SH3BP2: variants seen among roughly 807,000 people sequenced by gnomAD.
The protein encoded by SH3BP2 is SH3 domain binding protein 2.
Under a neutral mutation model 56.2 loss-of-function variants are expected in SH3BP2, and 38 were observed. That is an observed-to-expected ratio of 0.68 (90% CI 0.52 to 0.89). The LOEUF is 0.89. Ranked by LOEUF, SH3BP2 falls within the 40% of genes least tolerant of loss-of-function variation. SH3BP2 has a pLI of 0.00. For missense variants in SH3BP2, 748 were observed against 762.6 expected (o/e 0.98, Z 0.23); for synonymous variants, 346 against 316.7 (o/e 1.09, Z -0.98).
rs904839506 is a variant in SH3BP2 at position 2,829,167 on chromosome 4, G to C, written c.587-326G>C. Among the ~76,000 whole-genome samples, 13 of 152,146 alleles carry C rather than the reference G, an allele frequency of 8.5e-5. No individual in the cohort carries two copies. The highest frequency in any genetic ancestry group is 8.8e-5 in the Non-Finnish European group (6 of 68,022). ...CCGTCCTCCCTCTCGCTCCAGCCGA[G>C]CCCTGAGATCCTTCTTGACTTCTCT... On this transcript the variant is annotated intron_variant, in intron 7 of 12. Transcript: ENST00000503393. This position sits in a 1 kb window ranked among gnomAD's most constrained non-coding sequence, Gnocchi z 4.9.
chr4:2,827,076 T>G (rs1724702378), intron 5 of SH3BP2, 154 bp from the exon 6 acceptor site: 1 of 710,038 alleles, frequency 1.4e-6, no homozygotes, highest in Non-Finnish European at 2.6e-6. Context: ...TCTGTCAGCT[T>G]AACCATGTGT....
chr4:2,804,011 G>A (rs963285618), intron 1 of SH3BP2, among the ~76,000 whole-genome samples: 2 of 152,140 alleles, frequency 1.3e-5, no homozygotes, highest in African/African-American at 2.4e-5. Flanking sequence ...ACTTCAGGCC[G>A]AGTGGAGTGA....
At chr4:2,819,205 A>C (rs1253736341) in intron 1 of SH3BP2, 1 of 152,302 alleles carries the variant, frequency 6.6e-6, no homozygotes, top group African/African-American at 2.4e-5. Context: ...TACAGGCGTG[A>C]GCCACTGCGT....
At chr4:2,824,139 C>T (rs1360643873) in intron 3 of SH3BP2, among the ~76,000 whole-genome samples, 5 of 152,198 alleles carry the variant, frequency 3.3e-5, no homozygotes, top group South Asian at 2.1e-4. Context: ...GGGCTCCCCA[C>T]GTGATAAACT....
At chr4:2,804,182 CCTT>C (rs1056880967) in intron 1 of SH3BP2, among the ~76,000 whole-genome samples, 3 of 152,168 alleles carry the variant, frequency 2.0e-5, no homozygotes, top group African/African-American at 7.2e-5. Context: ...CTGGGGGTCT[CCTT>C]CTGTCCCGGC....
At chr4:2,814,638 C>T (rs1314073955) in intron 1 of SH3BP2, among the ~76,000 whole-genome samples, 1 of 152,224 alleles carries the variant, frequency 6.6e-6, no homozygotes, top group African/African-American at 2.4e-5. Context: ...GGCCGCCCAA[C>T]GCTGGCCCAT....
intron 3 of SH3BP2, among the ~76,000 whole-genome samples, 157 bp from the exon 4 acceptor site, chr4:2,824,456 C>T (rs978679369): frequency 2.0e-5 from 3 of 149,978 alleles, no homozygotes; most frequent in East Asian, 2.0e-4. Context: ...GGGCATGAAG[C>T]TCACTACTGG....
chr4:2,793,299 C>T (rs1430814197), intron 1 of SH3BP2, among the ~76,000 whole-genome samples, 161 bp downstream of exon 1: 2 of 111,976 alleles, frequency 1.8e-5, no homozygotes, highest in East Asian at 2.7e-4. Flanking sequence ...CGGCGGGTCT[C>T]GGGGGTCTCG....
rs74524125 is a variant in SH3BP2, at chr4:2,831,007, C to T, written c.1242-564C>T. On this transcript the variant is annotated intron_variant, in intron 8 of 12. Transcript: ENST00000503393. The surrounding 1 kb of genome is among the most constrained non-coding windows in gnomAD (Gnocchi z 4.1). ...TGCAGAGATGCAGATGTTCGGAAGTCACGTTTTTCCATGACTGTGGGGATA... is the reference window on the plus strand; with the variant it reads ...TGCAGAGATGCAGATGTTCGGAAGTTACGTTTTTCCATGACTGTGGGGATA... 0.018 allele frequency among the ~76,000 whole-genome samples: 2,688 copies of T among 152,332 alleles called. 87 individuals carry two copies. Among genetic ancestry groups the T allele is most frequent in the African/African-American group, 0.061 (2,538 of 41,574 alleles).
rs1318717088 is a variant in SH3BP2 at position 2,831,653 on chromosome 4, G to A, written c.1324G>A (p.Asp442Asn). 6.3e-7 allele frequency: 1 copy of A among 1,591,840 alleles called. No individual in the cohort carries two copies. Among genetic ancestry groups the A allele is most frequent in the Non-Finnish European group, 8.6e-7 (1 of 1,168,422 alleles). Residue 442 changes from aspartate to asparagine, a missense_variant, in exon 9 of 13, where the codon GAC (aspartate) becomes AAC (asparagine). Coordinates refer to ENST00000503393, the MANE Select transcript of SH3BP2 (RefSeq NM_001122681.2). This position sits in a 1 kb window ranked among gnomAD's most constrained non-coding sequence, Gnocchi z 4.1. ...ACCCTCACAGGCTGACACTGGCGGG[G>A]ACGACTCGGACGAGGACTATGAGAA... ...RQPSQADTGG[D>N]DSDEDYEKVP...
At chr4:2,814,858 G>A (rs1723925230) in intron 1 of SH3BP2, 1 of 152,456 alleles carries the variant, frequency 6.6e-6, no homozygotes, top group Admixed American at 6.5e-5. Context: ...ATGGTGACAG[G>A]TCCCCCCAGG....
rs115772227 is a variant in SH3BP2 at position 2,827,976 on chromosome 4, C to T, written c.586+302C>T. On this transcript the variant is annotated intron_variant, in intron 7 of 12. Transcript: ENST00000503393. ...GGGGAAGGAAGGACGCTGAGGAGCG[C>T]GCAGGCTCAGGGCAGGTCCATGTCC... 5.3e-3 allele frequency among the ~76,000 whole-genome samples: 811 copies of T among 152,266 alleles called. 7 individuals are homozygous for T. The highest frequency in any genetic ancestry group is 0.018 in the African/African-American group (731 of 41,552).
chr4:2,812,261 G>C, intron 1 of SH3BP2: 1 of 1,537,208 alleles, frequency 6.5e-7, no homozygotes, highest in Non-Finnish European at 8.8e-7. Flanking sequence ...AGTCCCGGGT[G>C]GGGAGGAAGC....
intron 6 of SH3BP2, 66 bp downstream of exon 6, chr4:2,827,384 T>C (rs1724727345): frequency 2.1e-6 from 3 of 1,437,168 alleles, no homozygotes; most frequent in African/African-American, 2.8e-5. Flanking sequence ...TTGGCCGCTG[T>C]GGAGGAGAGG....
At position 2,831,907 on chromosome 4, in the gene SH3BP2, C is replaced by T. The variant is rs200781117; in HGVS notation, c.1351-16C>T. 205 of 1,612,106 alleles carry T rather than the reference C, an allele frequency of 1.3e-4. 1 individual carries two copies. In the African/African-American group the frequency reaches 1.5e-3, roughly 12 times the overall value. ...ATCACTCCGACGTTGGCACTGACAC[C>T]GTCAGCCTCTTGCAGGTGCCACTGC... On this transcript the variant is annotated splice_polypyrimidine_tract_variant and intron_variant, in intron 9 of 12. Transcript: ENST00000503393. The surrounding 1 kb of genome is among the most constrained non-coding windows in gnomAD (Gnocchi z 4.1).
intron 10 of SH3BP2, 84 bp from the exon 11 acceptor site, chr4:2,832,247 G>A: frequency 8.1e-7 from 1 of 1,241,316 alleles, no homozygotes; most frequent in Non-Finnish European, 1.2e-6. Flanking sequence ...AGGACAGAAA[G>A]CCAGGCTTGG....
chr4:2,829,261 G>A lies in SH3BP2; in HGVS notation c.587-232G>A, dbSNP rs945876729. ...AGGTGTCCTCTAGGCTTCAGGAAGCGTCCACAGGCTGCCATAGGGAGGATG... is the reference window on the plus strand; with the variant it reads ...AGGTGTCCTCTAGGCTTCAGGAAGCATCCACAGGCTGCCATAGGGAGGATG... On this transcript the variant is annotated intron_variant, in intron 7 of 12. Transcript: ENST00000503393. This position sits in a 1 kb window ranked among gnomAD's most constrained non-coding sequence, Gnocchi z 4.9. Among the ~76,000 whole-genome samples, 2 of 151,966 alleles carry A rather than the reference G, an allele frequency of 1.3e-5. No individual in the cohort carries two copies. Among genetic ancestry groups the A allele is most frequent in the South Asian group, 2.1e-4 (1 of 4,804 alleles).
intron 1 of SH3BP2, among the ~76,000 whole-genome samples, chr4:2,816,261 G>A (rs1451594722): frequency 6.6e-6 from 1 of 152,034 alleles, no homozygotes; most frequent in Non-Finnish European, 1.5e-5. Flanking sequence ...CGCTGGTCTC[G>A]AACTCCTGAC....
At position 2,840,251 on chromosome 4, in the gene SH3BP2, AAAAG is replaced by A. The variant is rs1437896321; in HGVS notation, c.*6421_*6424del. The A allele has an allele frequency of 6.6e-5, 10 of 151,774 alleles. No individual in the cohort carries two copies. Among genetic ancestry groups the A allele is most frequent in the African/African-American group, 9.7e-5 (4 of 41,412 alleles). The allele number at this position is 151,774 out of a possible 1,614,324, so 9.4% of individuals were successfully genotyped here. A position where few individuals can be genotyped will look rare whatever the true frequency, so the allele number is the denominator to read the frequency against. ...AAAAAAACCAAAAAAAAAAAAAAAA[AAAAG>A]AAAACCACTGAAATTATTTCCACTC... is the stretch of plus-strand genomic sequence containing the variant. On this transcript the variant is annotated 3_prime_UTR_variant, in exon 13 of 13. Coordinates refer to ENST00000503393, the MANE Select transcript of SH3BP2 (RefSeq NM_001122681.2).
Sources: gnomAD v4.1 joint callset for allele counts (sites outside exome capture counted in the v4.1 genomes callset) on GRCh38, gnomAD v4.1.1 for gene constraint, Gnocchi (gnomAD v3.1) non-coding constraint, MANE v1.5 for transcripts, NCBI Gene and HGNC (gene_info 2026-07-23, HGNC 2026-07-21) for gene names.